SCUBE2: variants seen among roughly 807,000 people sequenced by gnomAD.
SCUBE2 encodes signal peptide, CUB domain and EGF like domain containing 2.
A neutral mutation model predicts 125.9 loss-of-function variants in SCUBE2; 114 were observed. The observed-to-expected ratio is 0.91, with a 90% CI of 0.78 to 1.06. SCUBE2 has a LOEUF of 1.06. SCUBE2 is among the 50% of genes least tolerant of loss of function. The probability of loss-of-function intolerance (pLI) is 0.00; values close to 1 mark genes in which losing one functional copy is unlikely to be tolerated. For missense variants in SCUBE2, 1,255 were observed against 1,301.8 expected (o/e 0.96, Z 0.55); for synonymous variants, 459 against 492.9 (o/e 0.93, Z 0.91).
intron 3 of SCUBE2, 82 bp downstream of exon 3, chr11:9,079,302 T>TGA (rs1861444085): frequency 6.5e-7 from 1 of 1,545,622 alleles, no homozygotes; most frequent in South Asian, 1.2e-5. Context: ...CCCGTTTTTG[T>TGA]CTTCATGAGG....
intron 2 of SCUBE2, among the ~76,000 whole-genome samples, chr11:9,084,576 C>T (rs1366038362): frequency 6.6e-6 from 1 of 152,014 alleles, no homozygotes; most frequent in East Asian, 1.9e-4. Flanking sequence ...CCCAGTAAAC[C>T]CCATCTTGCT....
chr11:9,050,729 G>A lies in SCUBE2; in HGVS notation c.1535-19C>T. 1.3e-6 allele frequency: 2 copies of A among 1,584,990 alleles called. No individual in the cohort carries two copies. Among genetic ancestry groups the A allele is most frequent in the Non-Finnish European group, 1.7e-6 (2 of 1,153,276 alleles). On this transcript the variant is annotated intron_variant, in intron 13 of 22. Transcript: ENST00000649792. ...GTGACATCTTCAGAAAGAAACAAGT[G>A]AGAGATGTTACCTTCAGAGGCAAAG...
At position 9,027,551 on chromosome 11, in the gene SCUBE2, A is replaced by ACAT. The variant is rs1406168880; in HGVS notation, c.2511_2513dup (p.Arg837_Cys838insTer). ...CAGTGAAATCTCCCAGCTCCCCTCC[A>ACAT]CATCTTCTGTCTGAAAAAGGAGATG... is the stretch of plus-strand genomic sequence containing the variant. On this transcript the variant is annotated stop_gained, in exon 20 of 23. Transcript: ENST00000649792. LOFTEE classifies it high-confidence loss of function. 3.7e-6 allele frequency: 6 copies of ACAT among 1,612,964 alleles called. No individual in the cohort carries two copies. The highest frequency in any genetic ancestry group is 5.1e-6 in the Non-Finnish European group (6 of 1,179,322).
Position 9,047,979 on chromosome 11 carries a change from C to A in SCUBE2, c.1759G>T (p.Glu587Ter), listed in dbSNP as rs1216628622. Residue 587 changes from glutamate to a stop codon, truncating the protein, a stop_gained, in exon 15 of 23, where the codon GAG (glutamate) becomes TAG (stop). Coordinates refer to ENST00000649792, the MANE Select transcript of SCUBE2 (RefSeq NM_001367977.2). LOFTEE classifies it high-confidence loss of function. Reference sequence around the variant, plus strand: ...TTTTGGTTAGTTTCAAGCTCAAACTCAACAGTGATAAACATTTCCTTAGGG... The same window carrying A: ...TTTTGGTTAGTTTCAAGCTCAAACTAAACAGTGATAAACATTTCCTTAGGG... The part of the protein sequence containing the change: ...STPKEMFITV[E>*]FELETNQKEV... 6.2e-7 allele frequency: 1 copy of A among 1,613,962 alleles called. No individual in the cohort carries two copies. Among genetic ancestry groups the A allele is most frequent in the South Asian group, 1.1e-5 (1 of 91,052 alleles).
chr11:9,088,703 G>A (rs747740410), intron 2 of SCUBE2, among the ~76,000 whole-genome samples: 1 of 152,168 alleles, frequency 6.6e-6, no homozygotes, highest in African/African-American at 2.4e-5. Context: ...GTCAAGGTTG[G>A]GTCCAGGAGC....
At chr11:9,036,725 C>T (rs975290579) in intron 16 of SCUBE2, among the ~76,000 whole-genome samples, 1 of 152,224 alleles carries the variant, frequency 6.6e-6, no homozygotes, top group Non-Finnish European at 1.5e-5. Context: ...GCCTGGTTCT[C>T]ACTGAGCCAG....
chr11:9,070,149 C>CAG (rs1161350287), intron 4 of SCUBE2, among the ~76,000 whole-genome samples: 1 of 139,828 alleles, frequency 7.2e-6, no homozygotes, highest in East Asian at 1.9e-4. Context: ...AGAGAAGAGA[C>CAG]AGAGAGAGAG....
intron 2 of SCUBE2, among the ~76,000 whole-genome samples, chr11:9,083,538 AAG>A (rs1473905234): frequency 1.3e-5 from 2 of 152,062 alleles, no homozygotes; most frequent in East Asian, 1.9e-4. Context: ...CGAATAAGCA[AAG>A]AGAGAATAGA....
intron 2 of SCUBE2, among the ~76,000 whole-genome samples, chr11:9,087,011 T>C (rs1428442345): frequency 6.6e-6 from 1 of 152,162 alleles, no homozygotes; most frequent in Admixed American, 6.5e-5. Flanking sequence ...GATAAATGGA[T>C]GGGAGGCTCT....
At chr11:9,040,353 G>A (rs1195984667) in intron 16 of SCUBE2, among the ~76,000 whole-genome samples, 1 of 152,196 alleles carries the variant, frequency 6.6e-6, no homozygotes, top group Non-Finnish European at 1.5e-5. Flanking sequence ...GTATCTTATA[G>A]TACCGTACTC....
rs114282023 is a variant in SCUBE2, at chr11:9,039,680, T to C, written c.2003-5884A>G. Among the ~76,000 whole-genome samples the C allele has an allele frequency of 2.7e-3, 410 of 152,186 alleles. 1 individual carries two copies. Among genetic ancestry groups the C allele is most frequent in the African/African-American group, 7.8e-3 (323 of 41,510 alleles). Reference sequence around the variant, plus strand: ...TAAAATAAGAAACAAACGAAGCTCCTCTGGTTTAGAATATGGTGTAAGAGC... The same window carrying C: ...TAAAATAAGAAACAAACGAAGCTCCCCTGGTTTAGAATATGGTGTAAGAGC... On this transcript the variant is annotated intron_variant, in intron 16 of 22. Coordinates refer to ENST00000649792, the MANE Select transcript of SCUBE2 (RefSeq NM_001367977.2).
chr11:9,067,626 T>C (rs534859693), intron 5 of SCUBE2, among the ~76,000 whole-genome samples: 48 of 152,316 alleles, frequency 3.2e-4, no homozygotes, highest in Non-Finnish European at 4.6e-4. Flanking sequence ...TATGGAAAAA[T>C]TGAAACAGCT....
intron 16 of SCUBE2, 142 bp from the exon 17 acceptor site, chr11:9,033,938 G>A (rs1856540500): frequency 3.9e-6 from 3 of 768,364 alleles, no homozygotes; most frequent in South Asian, 1.7e-5. Context: ...AGTGTGCCCT[G>A]CCTTGGTTCT....
At chr11:9,079,091 G>A (rs916269013) in intron 3 of SCUBE2, among the ~76,000 whole-genome samples, 12 of 151,842 alleles carry the variant, frequency 7.9e-5, no homozygotes, top group Non-Finnish European at 1.5e-4. Context: ...TATAAGTCAG[G>A]ACTCTCAACA....
At position 9,020,319 on chromosome 11, in the gene SCUBE2, T is replaced by G. The variant is rs1166554552; in HGVS notation, c.*726A>C. 6.6e-6 allele frequency: 1 copy of G among 152,178 alleles called. No homozygotes were observed. Among genetic ancestry groups the G allele is most frequent in the Non-Finnish European group, 1.5e-5 (1 of 68,026 alleles). The allele number at this position is 152,178 out of a possible 1,614,324, so 9.4% of individuals were successfully genotyped here. On this transcript the variant is annotated 3_prime_UTR_variant, in exon 23 of 23. Transcript: ENST00000649792. ...GAGGGCACAGCTGAAGGTGCGAGAG[T>G]CAGCATAGTGCATTTGCTGCAGGGT...
chr11:9,037,711 A>G (rs1410832619), intron 16 of SCUBE2, among the ~76,000 whole-genome samples: 1 of 152,198 alleles, frequency 6.6e-6, no homozygotes, highest in East Asian at 1.9e-4. Context: ...GACTGCCCCC[A>G]TGATAACAGG....
intron 2 of SCUBE2, among the ~76,000 whole-genome samples, chr11:9,080,399 T>C (rs1360386893): frequency 6.6e-6 from 1 of 152,208 alleles, no homozygotes; most frequent in Non-Finnish European, 1.5e-5. Flanking sequence ...GCATGATCTT[T>C]GGGTGCACTT....
chr11:9,088,823 G>T (rs182233409), intron 2 of SCUBE2, among the ~76,000 whole-genome samples: 66 of 152,334 alleles, frequency 4.3e-4, no homozygotes, highest in African/African-American at 1.4e-3. Flanking sequence ...ACAGCAGCAG[G>T]CTGAGTAAAT....
At position 9,047,607 on chromosome 11, in the gene SCUBE2, C is replaced by G. The variant is rs768006001; in HGVS notation, c.1796-45G>C. On this transcript the variant is annotated intron_variant, in intron 15 of 22. Transcript: ENST00000649792. The stretch of plus-strand genomic sequence containing the variant: ...AGCAGTGCGGGAGGAGATCAGGCTG[C>G]AGCGTGTGACAATGGCCAGATCAAC... The G allele has an allele frequency of 3.2e-6, 5 of 1,574,574 alleles. No individual in the cohort carries two copies. The South Asian group carries it at 5.6e-5, about 18-fold the overall frequency.
Sources: gnomAD v4.1 joint callset for allele counts (sites outside exome capture counted in the v4.1 genomes callset) on GRCh38, gnomAD v4.1.1 for gene constraint, MANE v1.5 for transcripts, NCBI Gene and HGNC (gene_info 2026-07-23, HGNC 2026-07-21) for gene names.